The following DDX60 variants were observed in gnomAD, a reference collection of about 807,000 sequenced individuals.
DDX60 encodes probable ATP-dependent RNA helicase DDX60.
A neutral mutation model predicts 212.8 loss-of-function variants in DDX60; 165 were observed. That is an observed-to-expected ratio of 0.78 (90% confidence interval 0.68 to 0.88). DDX60 has a LOEUF of 0.88. Among genes scored for constraint, DDX60 ranks in the 40% least tolerant of loss-of-function variants. The pLI is 0.00. For synonymous variants in DDX60, 703 were observed against 685.3 expected (o/e 1.03, Z -0.40); for missense variants, 1,905 against 2,003.9 (o/e 0.95, Z 0.94).
chr4:168,288,825 T>C (rs547387919), intron 8 of DDX60, among the ~76,000 whole-genome samples: 11 of 152,198 alleles, frequency 7.2e-5, no homozygotes, highest in Non-Finnish European at 1.5e-4. Context: ...GTAAACCTCA[T>C]GGAATGATCC....
At chr4:168,314,533 G>A (rs886086988) in intron 1 of DDX60, among the ~76,000 whole-genome samples, 3 of 152,132 alleles carry the variant, frequency 2.0e-5, no homozygotes, top group African/African-American at 7.2e-5. Flanking sequence ...AAGCATGCAA[G>A]TATTCGTACA....
intron 22 of DDX60, chr4:168,263,683 G>A (rs1026933078): frequency 6.6e-6 from 1 of 152,178 alleles, no homozygotes; most frequent in African/African-American, 2.4e-5. Flanking sequence ...TGAGGGCACA[G>A]CAAGAAGACA....
intron 16 of DDX60, 88 bp downstream of exon 16, chr4:168,275,257 A>G (rs1299883217): frequency 4.2e-6 from 5 of 1,187,258 alleles, no homozygotes; most frequent in Admixed American, 5.6e-5. Flanking sequence ...AACATCAAAT[A>G]TAACATGTAC....
rs761331328 is a variant in DDX60 at position 168,262,670 on chromosome 4, C to G, written c.3144+13G>C. The G allele has an allele frequency of 6.5e-7, 1 of 1,528,322 alleles. No individual in the cohort carries two copies. Among genetic ancestry groups the G allele is most frequent in the South Asian group, 1.1e-5 (1 of 88,548 alleles). The allele number at this position is 1,528,322 out of a possible 1,614,324, so 94.7% of individuals were successfully genotyped here. On this transcript the variant is annotated intron_variant, in intron 23 of 37. Coordinates refer to ENST00000393743, the MANE Select transcript of DDX60 (RefSeq NM_017631.6). Reference sequence around the variant, plus strand: ...TCCTCTATAATAGGATTAATTACATCATTATTATTTACCTGGGCCCGAGGC... The same window carrying G: ...TCCTCTATAATAGGATTAATTACATGATTATTATTTACCTGGGCCCGAGGC...
At chr4:168,289,095 G>A (rs1035918621) in intron 8 of DDX60, among the ~76,000 whole-genome samples, 2 of 152,160 alleles carry the variant, frequency 1.3e-5, no homozygotes, top group Non-Finnish European at 1.5e-5. Flanking sequence ...TGTGCTCATG[G>A]ACCACATAGC....
chr4:168,293,845 T>C lies in DDX60; in HGVS notation c.824A>G (p.Tyr275Cys). 2 of 1,613,934 alleles carry C rather than the reference T, an allele frequency of 1.2e-6. No homozygotes were observed. The highest frequency in any genetic ancestry group is 2.2e-5 in the East Asian group (1 of 44,858). Residue 275 changes from tyrosine to cysteine, a missense_variant, in exon 7 of 38, where the codon TAC (tyrosine) becomes TGC (cysteine). Physicochemically the swap from Tyr to Cys is radical, Grantham distance 194. Transcript: ENST00000393743. ...VTSCSLSLRM[Y>C]HRFLGNREPS... ...CTCTCTGTTTCCTAAAAAGCGATGG[T>C]ACATTCTCAAAGATAATGAGCATGA...
intron 23 of DDX60, 142 bp from the exon 24 acceptor site, chr4:168,262,270 T>C: frequency 2.4e-6 from 2 of 830,570 alleles, no homozygotes; most frequent in South Asian, 2.0e-5. Flanking sequence ...TGGCTTCTAA[T>C]GCATAACGTT....
chr4:168,247,904 C>T (rs1734077644), intron 29 of DDX60, among the ~76,000 whole-genome samples: 1 of 152,174 alleles, frequency 6.6e-6, no homozygotes, highest in Non-Finnish European at 1.5e-5. Context: ...TTAATTCTTG[C>T]AAATGCCGTG....
At chr4:168,250,525 CT>C (rs59885639) in intron 28 of DDX60, among the ~76,000 whole-genome samples, 5,813 of 137,926 alleles carry the variant, frequency 0.042, 260 homozygotes, top group African/African-American at 0.12. Context: ...GATATCATGA[CT>C]TTTTTTTTTT....
At chr4:168,224,992 T>G (rs895780664) in intron 34 of DDX60, among the ~76,000 whole-genome samples, 1 of 152,040 alleles carries the variant, frequency 6.6e-6, no homozygotes, top group Admixed American at 6.6e-5. Flanking sequence ...GTGTTAACCA[T>G]GTACAAAACA....
At chr4:168,224,429 C>A (rs1405609627) in intron 34 of DDX60, 44 bp from the exon 35 acceptor site, 4 of 1,583,920 alleles carry the variant, frequency 2.5e-6, no homozygotes, top group East Asian at 2.3e-5. Flanking sequence ...TGAACTCAGT[C>A]AAATTGTCAA....
chr4:168,283,302 A>G (rs1224189169), intron 13 of DDX60, 144 bp downstream of exon 13: 1 of 686,950 alleles, frequency 1.5e-6, no homozygotes, highest in Non-Finnish European at 2.4e-6. Context: ...AGGTAAAAGA[A>G]TAAGTAATCA....
At chr4:168,281,366 A>C (rs1337052056) in intron 13 of DDX60, among the ~76,000 whole-genome samples, 1 of 152,164 alleles carries the variant, frequency 6.6e-6, no homozygotes, top group Non-Finnish European at 1.5e-5. Context: ...TCCTCTGCTC[A>C]GACACCTATT....
intron 25 of DDX60, among the ~76,000 whole-genome samples, chr4:168,257,217 G>A (rs1397302591): frequency 6.6e-6 from 1 of 152,140 alleles, no homozygotes; most frequent in Non-Finnish European, 1.5e-5. Flanking sequence ...ACTGAGGCAG[G>A]AGAATTGCTT....
In DDX60 at chr4:168,293,590, A is replaced by G. The variant is rs563240252; in HGVS notation, c.882+197T>C. On this transcript the variant is annotated intron_variant, in intron 7 of 37. Coordinates refer to ENST00000393743, the MANE Select transcript of DDX60 (RefSeq NM_017631.6). ...TAAATATATACTAAGTGAAACATGCACATAGTAAAACATTAAATCATTTAA... is the reference window on the plus strand; with the variant it reads ...TAAATATATACTAAGTGAAACATGCGCATAGTAAAACATTAAATCATTTAA... Among the ~76,000 whole-genome samples, 599 of 152,356 alleles carry G rather than the reference A, an allele frequency of 3.9e-3. 4 individuals are homozygous for G. Among genetic ancestry groups the G allele is most frequent in the Non-Finnish European group, 6.7e-3 (455 of 68,028 alleles).
chr4:168,323,469 C>T (rs927082063), upstream of DDX60, among the ~76,000 whole-genome samples: 1 of 152,130 alleles, frequency 6.6e-6, no homozygotes, highest in African/African-American at 2.4e-5. Context: ...CTTTGAACTG[C>T]CTGTTAGGCC....
intron 6 of DDX60, among the ~76,000 whole-genome samples, chr4:168,300,548 A>C (rs1240517784): frequency 3.3e-5 from 5 of 151,880 alleles, no homozygotes; most frequent in Admixed American, 2.6e-4. Context: ...TCAAAAAAAA[A>C]AGAAGCTACG....
At position 168,220,725 on chromosome 4, in the gene DDX60, AAAC is replaced by A. The variant is rs781638024; in HGVS notation, c.4977-11_4977-9del. 1.9e-5 allele frequency: 26 copies of A among 1,389,536 alleles called. No individual in the cohort carries two copies. Among genetic ancestry groups the A allele is most frequent in the Admixed American group, 1.4e-4 (5 of 36,626 alleles). The allele number at this position is 1,389,536 out of a possible 1,614,324, so 86.1% of individuals were successfully genotyped here. ...GCATCTCCTTCATTCATCCTAAAGAAAACAACATTTTGAAAATTAATAATACAA... is the reference window on the plus strand; with the variant it reads ...GCATCTCCTTCATTCATCCTAAAGAAAACATTTTGAAAATTAATAATACAA... On this transcript the variant is annotated splice_polypyrimidine_tract_variant and intron_variant, in intron 36 of 37. Transcript: ENST00000393743.
intron 25 of DDX60, 23 bp downstream of exon 25, chr4:168,260,842 C>T (rs1560834480): frequency 2.5e-6 from 4 of 1,590,538 alleles, no homozygotes; most frequent in Non-Finnish European, 2.6e-6. Flanking sequence ...ACAAGCAAAA[C>T]CAAATTAAAT....
Sources: allele counts gnomAD v4.1 joint callset (sites outside exome capture counted in the v4.1 genomes callset), GRCh38; gene constraint gnomAD v4.1.1; transcripts MANE v1.5; gene names NCBI Gene and HGNC (gene_info 2026-07-23, HGNC 2026-07-21).